ZNF98: variants seen among roughly 807,000 people sequenced by gnomAD.
ZNF98 encodes zinc finger protein 98, also known as zinc finger protein 739.
Under a neutral mutation model 12.8 loss-of-function variants are expected in ZNF98, and 8 were observed. That is an observed-to-expected ratio of 0.63 (90% CI 0.37 to 1.13). The LOEUF is 1.13. Ranked by LOEUF, ZNF98 falls within the 50% of genes most tolerant of loss-of-function variation. The probability of loss-of-function intolerance (pLI) is 0.01; values close to 1 mark genes in which losing one functional copy is unlikely to be tolerated. For synonymous variants in ZNF98, 112 were observed against 223.5 expected (o/e 0.50, Z 4.45); for missense variants, 379 against 666.1 (o/e 0.57, Z 4.74).
intron 1 of ZNF98, among the ~76,000 whole-genome samples, chr19:22,409,767 C>T (rs1969560631): frequency 6.6e-6 from 1 of 151,804 alleles, no homozygotes; most frequent in Non-Finnish European, 1.5e-5. Context: ...CAATAATTAG[C>T]TGGGCATGGT....
rs553224833 is a variant in ZNF98 at position 22,405,592 on chromosome 19, C to T, written c.31-2080G>A. Among the ~76,000 whole-genome samples the T allele has an allele frequency of 5.9e-5, 9 of 152,262 alleles. No individual in the cohort carries two copies. The East Asian group carries it at 9.7e-4, about 16-fold the overall frequency. The stretch of plus-strand genomic sequence containing the variant: ...TCCATGGAACTGTGCAACCCACAAA[C>T]GGAAAGATTTCACTCGTGAACCCAT... On this transcript the variant is annotated intron_variant, in intron 1 of 3. Transcript: ENST00000357774.
chr19:22,398,520 G>A (rs866305691), intron 3 of ZNF98, among the ~76,000 whole-genome samples: 1 of 151,348 alleles, frequency 6.6e-6, no homozygotes, highest in Non-Finnish European at 1.5e-5. Context: ...ACCATGTCTG[G>A]CTACGTTTTA....
intron 3 of ZNF98, among the ~76,000 whole-genome samples, chr19:22,394,513 A>C (rs76677253): frequency 6.6e-6 from 1 of 152,168 alleles, no homozygotes; most frequent in South Asian, 2.1e-4. Context: ...TTCATGAAAA[A>C]GGATGAGTTC....
intron 1 of ZNF98, among the ~76,000 whole-genome samples, chr19:22,404,081 G>T (rs56003951): frequency 1.4e-5 from 2 of 143,746 alleles, no homozygotes; most frequent in East Asian, 2.1e-4. Flanking sequence ...TTAGCCAGGC[G>T]TGGAGGCGAG....
Position 22,391,646 on chromosome 19 carries a change from G to T in ZNF98, c.1589C>A (p.Ser530Tyr). The T allele has an allele frequency of 6.2e-7, 1 of 1,613,822 alleles. No individual in the cohort carries two copies. The highest frequency in any genetic ancestry group is 8.5e-7 in the Non-Finnish European group (1 of 1,179,854). The part of the protein sequence containing the change: ...CEECGKAFNN[S>Y]SILNRHKMIH... ...CATCTTATGTCTGTTAAGAATAGAG[G>T]AGTTGTTAAAGGCTTTGCCGCATTC... The change falls in exon 4 of 4, where the codon TCC becomes TAC. Residue 530 changes from serine to tyrosine, a missense_variant. Physicochemically the swap from Ser to Tyr is moderately radical, Grantham distance 144. Around this residue, in one of 8 missense-constraint regions of ZNF98, gnomAD observed 59 missense variants for 50.3 expected, o/e 1.17. Transcript: ENST00000357774.
intron 1 of ZNF98, among the ~76,000 whole-genome samples, chr19:22,408,467 T>TA (rs1414165856): frequency 1.3e-5 from 2 of 151,998 alleles, no homozygotes; most frequent in East Asian, 3.9e-4. Context: ...GGAAAGAAAT[T>TA]AAGAGTATTC....
intron 3 of ZNF98, chr19:22,402,317 C>G (rs1969468717): frequency 3.2e-6 from 1 of 315,928 alleles, no homozygotes; most frequent in Non-Finnish European, 5.7e-6. Flanking sequence ...TCAAACTATA[C>G]TTCAAGACTA....
intron 1 of ZNF98, among the ~76,000 whole-genome samples, chr19:22,404,049 G>A (rs4024620): frequency 1.3e-5 from 2 of 149,780 alleles, no homozygotes; most frequent in African/African-American, 2.5e-5. Context: ...TGAAACCCTG[G>A]CTCTACTAAA....
intron 1 of ZNF98, among the ~76,000 whole-genome samples, chr19:22,409,312 TGTA>T (rs1969555488): frequency 1.3e-5 from 2 of 152,026 alleles, no homozygotes; most frequent in African/African-American, 4.8e-5. Flanking sequence ...AAGACATAAA[TGTA>T]AAGCCCAAAA....
At chr19:22,404,922 C>A (rs1969502908) in intron 1 of ZNF98, among the ~76,000 whole-genome samples, 1 of 152,118 alleles carries the variant, frequency 6.6e-6, no homozygotes, top group Non-Finnish European at 1.5e-5. Context: ...TACATGCTCT[C>A]CATCTTTACT....
chr19:22,410,140 T>C (rs1482330742), intron 1 of ZNF98, among the ~76,000 whole-genome samples: 1 of 152,132 alleles, frequency 6.6e-6, no homozygotes, highest in Non-Finnish European at 1.5e-5. Context: ...AGAAACACTT[T>C]TACACTGTTA....
chr19:22,405,225 A>C (rs1479165072), intron 1 of ZNF98, among the ~76,000 whole-genome samples: 1 of 148,804 alleles, frequency 6.7e-6, no homozygotes, highest in African/African-American at 2.5e-5. Context: ...ATGGCATTCT[A>C]GGACACAGAG....
chr19:22,398,399 C>G (rs1461851756), intron 3 of ZNF98, among the ~76,000 whole-genome samples: 1 of 151,352 alleles, frequency 6.6e-6, no homozygotes, highest in Non-Finnish European at 1.5e-5. Flanking sequence ...CAGGGTCTCA[C>G]TCTGTCACCC....
intron 1 of ZNF98, among the ~76,000 whole-genome samples, chr19:22,412,715 G>A (rs986141801): frequency 6.6e-6 from 1 of 151,514 alleles, no homozygotes; most frequent in African/African-American, 2.4e-5. Flanking sequence ...AAACCTAACC[G>A]ACTATGATCG....
chr19:22,411,893 T>C (rs1433889582), intron 1 of ZNF98, among the ~76,000 whole-genome samples: 3 of 152,194 alleles, frequency 2.0e-5, no homozygotes, highest in Non-Finnish European at 4.4e-5. Flanking sequence ...GAGAAAGGTG[T>C]TATAATAAAT....
chr19:22,418,131 A>G (rs1969665092), intron 1 of ZNF98, among the ~76,000 whole-genome samples: 1 of 152,152 alleles, frequency 6.6e-6, no homozygotes, highest in South Asian at 2.1e-4. Flanking sequence ...CACCACCCAG[A>G]GTCAGCACAG....
At chr19:22,412,791 A>T (rs1042781684) in intron 1 of ZNF98, among the ~76,000 whole-genome samples, 1 of 151,950 alleles carries the variant, frequency 6.6e-6, no homozygotes, top group Non-Finnish European at 1.5e-5. Context: ...AGTGGCTCAC[A>T]CCTGTAATCC....
intron 1 of ZNF98, among the ~76,000 whole-genome samples, chr19:22,419,280 C>A (rs991170067): frequency 6.6e-5 from 10 of 152,152 alleles, no homozygotes; most frequent in Admixed American, 6.5e-5. Flanking sequence ...ACTTCATCTT[C>A]ACAAGAATCC....
intron 1 of ZNF98, among the ~76,000 whole-genome samples, chr19:22,404,293 C>G (rs1162275637): frequency 6.6e-6 from 1 of 152,212 alleles, no homozygotes; most frequent in Non-Finnish European, 1.5e-5. Flanking sequence ...ACCAGTAATG[C>G]CCATGTTTTT....
Sources: gnomAD v4.1 joint callset for allele counts (sites outside exome capture counted in the v4.1 genomes callset) on GRCh38, gnomAD v4.1.1 for gene constraint, gnomAD v4.1.1 regional missense constraint, MANE v1.5 for transcripts, NCBI Gene and HGNC (gene_info 2026-07-23, HGNC 2026-07-21) for gene names.